CEP85L: variants seen among roughly 807,000 people sequenced by gnomAD.
CEP85L encodes the protein centrosomal protein of 85 kDa-like.
In CEP85L, 60 loss-of-function variants were observed where a neutral mutation model predicts 100.3. That is an observed-to-expected ratio of 0.60 (90% confidence interval 0.49 to 0.74). CEP85L has a LOEUF of 0.74. CEP85L is among the 30% of genes least tolerant of loss of function. The probability of loss-of-function intolerance (pLI) is 0.00; values close to 1 mark genes in which losing one functional copy is unlikely to be tolerated. For synonymous variants in CEP85L, 319 were observed against 322.7 expected (o/e 0.99, Z 0.12); for missense variants, 973 against 936.2 (o/e 1.04, Z -0.51).
At chr6:118,691,542 A>AT (rs1302027933) in intron 1 of CEP85L, among the ~76,000 whole-genome samples, 1 of 149,278 alleles carries the variant, frequency 6.7e-6, no homozygotes, top group Non-Finnish European at 1.5e-5. Flanking sequence ...TCAAAAAAAA[A>AT]AAAAAAAGAA....
At chr6:118,654,882 A>T (rs1220565522), upstream of CEP85L, among the ~76,000 whole-genome samples, 2 of 152,208 alleles carry the variant, frequency 1.3e-5, no homozygotes, top group African/African-American at 2.4e-5. Flanking sequence ...ACAATTTAGA[A>T]ATGTAACTGT....
intron 2 of CEP85L, among the ~76,000 whole-genome samples, chr6:118,613,839 A>G (rs551755618): frequency 6.6e-6 from 1 of 152,032 alleles, no homozygotes; most frequent in South Asian, 2.1e-4. Flanking sequence ...GCACCATTCT[A>G]TACAATCTCT....
chr6:118,504,799 C>T (rs1382750564), intron 5 of CEP85L, among the ~76,000 whole-genome samples: 1 of 152,100 alleles, frequency 6.6e-6, no homozygotes, highest in Non-Finnish European at 1.5e-5. Flanking sequence ...TCTACACATA[C>T]AGTGTCAGGA....
chr6:118,502,543 G>A, intron 5 of CEP85L: 1 of 481,350 alleles, frequency 2.1e-6, no homozygotes, highest in Non-Finnish European at 3.9e-6. Context: ...ACTCAAGATA[G>A]GCTCATGGCA....
At chr6:118,542,415 T>G (rs1350019081) in intron 3 of CEP85L, among the ~76,000 whole-genome samples, 1 of 152,158 alleles carries the variant, frequency 6.6e-6, no homozygotes, top group East Asian at 1.9e-4. Flanking sequence ...AAGAACTGGC[T>G]TCTTGTGAAA....
chr6:118,526,127 G>A (rs1319896283), intron 3 of CEP85L, among the ~76,000 whole-genome samples: 2 of 152,168 alleles, frequency 1.3e-5, no homozygotes, highest in African/African-American at 4.8e-5. Context: ...AGTGTTACAG[G>A]GGCAGGTTAG....
intron 1 of CEP85L, among the ~76,000 whole-genome samples, chr6:118,673,385 G>C (rs1776378638): frequency 6.6e-6 from 1 of 152,222 alleles, no homozygotes; most frequent in Non-Finnish European, 1.5e-5. Flanking sequence ...AGTGTTCTAT[G>C]TTTACAGGCA....
intron 10 of CEP85L, among the ~76,000 whole-genome samples, chr6:118,475,541 G>A (rs1421023262): frequency 6.6e-6 from 1 of 151,658 alleles, no homozygotes; most frequent in African/African-American, 2.4e-5. Context: ...TTTTAGTAGA[G>A]ATGGAAGTTT....
At chr6:118,495,895 A>G (rs1248083332) in intron 5 of CEP85L, among the ~76,000 whole-genome samples, 2 of 152,224 alleles carry the variant, frequency 1.3e-5, no homozygotes, top group African/African-American at 4.8e-5. Context: ...AATGTTAACA[A>G]GGCAACAAGG....
intron 5 of CEP85L, among the ~76,000 whole-genome samples, chr6:118,493,031 TAGAAC>T (rs1774677504): frequency 6.6e-6 from 1 of 152,100 alleles, no homozygotes; most frequent in African/African-American, 2.4e-5. Context: ...GATTGTAATA[TAGAAC>T]AGAATGAATA....
chr6:118,483,142 G>A (rs933996086), intron 7 of CEP85L, among the ~76,000 whole-genome samples: 2 of 152,026 alleles, frequency 1.3e-5, no homozygotes, highest in Non-Finnish European at 2.9e-5. Context: ...TTTGGGAAGA[G>A]ACTGAAGAGT....
At chr6:118,489,081 A>T (rs1774378727) in intron 6 of CEP85L, among the ~76,000 whole-genome samples, 1 of 152,140 alleles carries the variant, frequency 6.6e-6, no homozygotes, top group Admixed American at 6.5e-5. Flanking sequence ...CAGCCTGGCC[A>T]ACATGGTGAA....
chr6:118,681,349 A>G (rs780154118), intron 1 of CEP85L, among the ~76,000 whole-genome samples: 46 of 152,128 alleles, frequency 3.0e-4, no homozygotes, highest in Non-Finnish European at 6.0e-4. Context: ...GGGAGAGAGG[A>G]GTTGAGAAGT....
chr6:118,473,811 T>C (rs1450139702), intron 10 of CEP85L, among the ~76,000 whole-genome samples: 2 of 151,818 alleles, frequency 1.3e-5, no homozygotes, highest in Non-Finnish European at 2.9e-5. Flanking sequence ...AAATGTGAGG[T>C]AAGTGAGGAG....
At chr6:118,542,912 A>AAAAAAAAAAAAAC (rs1777983514) in intron 3 of CEP85L, among the ~76,000 whole-genome samples, 1 of 122,260 alleles carries the variant, frequency 8.2e-6, no homozygotes, top group Non-Finnish European at 2.0e-5. Flanking sequence ...AAAAAAAAAA[A>AAAAAAAAAAAAAC]AAAAAAAAAA....
intron 3 of CEP85L, among the ~76,000 whole-genome samples, chr6:118,527,873 AT>A (rs1229455662): frequency 6.6e-6 from 1 of 152,148 alleles, no homozygotes; most frequent in Non-Finnish European, 1.5e-5. Context: ...TACTTTAAGT[AT>A]TGGTTTTTGT....
At chr6:118,709,729 A>G (rs531058805) in intron 1 of CEP85L, among the ~76,000 whole-genome samples, 2 of 152,240 alleles carry the variant, frequency 1.3e-5, no homozygotes, top group African/African-American at 4.8e-5. Context: ...AAACAAAGAT[A>G]AAACACTCCA....
chr6:118,527,490 T>G (rs573390339), intron 3 of CEP85L, among the ~76,000 whole-genome samples: 2 of 152,290 alleles, frequency 1.3e-5, no homozygotes, highest in East Asian at 3.9e-4. Flanking sequence ...TGAAAGTAAC[T>G]GTTCTCAGAC....
chr6:118,577,444 T>C lies in CEP85L; in HGVS notation c.233-11128A>G, dbSNP rs953769123. On this transcript the variant is annotated intron_variant, in intron 2 of 12. Coordinates refer to ENST00000368491, the MANE Select transcript of CEP85L (RefSeq NM_001042475.3). ...GACCCTCACATTTATATAGATGCCA[T>C]CAGAGTTCCACAAGGGGTGCCAAAT... Among the ~76,000 whole-genome samples the C allele has an allele frequency of 2.6e-5, 4 of 152,180 alleles. No homozygotes were observed. In the East Asian group the frequency reaches 7.7e-4, roughly 29 times the overall value.
Sources: gnomAD v4.1 joint callset for allele counts (sites outside exome capture counted in the v4.1 genomes callset) on GRCh38, gnomAD v4.1.1 for gene constraint, MANE v1.5 for transcripts, NCBI Gene and HGNC (gene_info 2026-07-23, HGNC 2026-07-21) for gene names.